Variants in TMEM164 observed in about 807,000 individuals in gnomAD.
TMEM164 encodes RP13-360B22.2.
TMEM164 carries 4 observed loss-of-function variants against 18.8 expected under a neutral mutation model. That is an observed-to-expected ratio of 0.21 (90% confidence interval 0.10 to 0.49). TMEM164 has a LOEUF of 0.49. TMEM164 is among the 20% of genes least tolerant of loss of function. The pLI, the probability that TMEM164 is intolerant of heterozygous loss-of-function variation, is 0.98. For missense variants in TMEM164, 108 were observed against 239.9 expected (o/e 0.45, Z 3.63); for synonymous variants, 86 against 101.7 (o/e 0.85, Z 0.93).
chrX:110,020,276 C>G (rs1381556681), intron 2 of TMEM164: 1 of 592,084 alleles, frequency 1.7e-6, no homozygotes, highest in African/African-American at 2.5e-5. Flanking sequence ...AGTCCAATCC[C>G]TTTGTTTTCC....
Position 110,118,630 on chromosome X carries a change from A to C in TMEM164, c.507+9484A>C, listed in dbSNP as rs752923076. 4.1e-3 allele frequency among the ~76,000 whole-genome samples: 459 copies of C among 111,521 alleles called. 6 individuals are homozygous for C. The highest frequency in any genetic ancestry group is 0.014 in the African/African-American group (435 of 30,696). On this transcript the variant is annotated intron_variant, in intron 4 of 6. Transcript: ENST00000372068. Reference sequence around the variant, plus strand: ...GGATTATCGCTGGACACCAAATTCCAAATGTTCAAGTACACATCATTTCAG... The same window carrying C: ...GGATTATCGCTGGACACCAAATTCCCAATGTTCAAGTACACATCATTTCAG...
chrX:110,022,074 T>C (rs1933906292), intron 2 of TMEM164, among the ~76,000 whole-genome samples: 2 of 111,758 alleles, frequency 1.8e-5, no homozygotes, highest in African/African-American at 6.5e-5. Context: ...TGATTACACT[T>C]GGGGCCTGGA....
intron 3 of TMEM164, among the ~76,000 whole-genome samples, chrX:110,102,911 C>T (rs1163393978): frequency 1.8e-5 from 2 of 112,251 alleles, no homozygotes. Context: ...AGGGCAGATA[C>T]TGTGTCCTAC....
At chrX:110,090,959 T>G (rs1235506623) in intron 3 of TMEM164, among the ~76,000 whole-genome samples, 1 of 109,774 alleles carries the variant, frequency 9.1e-6, no homozygotes, top group Non-Finnish European at 1.9e-5. Flanking sequence ...CATGCAGTAT[T>G]TGGTTTTCTG....
rs751571344 is a variant in TMEM164 at position 110,170,056 on chromosome X, G to A, written c.587-1364G>A. Among the ~76,000 whole-genome samples the A allele has an allele frequency of 4.2e-3, 465 of 111,905 alleles. 5 individuals carry two copies. The highest frequency in any genetic ancestry group is 0.015 in the African/African-American group (447 of 30,795). ...CAGACCAGCCCTGCGAACCTCTGAGGCTAGTACCTGCTAACTGCCCCGTTA... is the reference window on the plus strand; with the variant it reads ...CAGACCAGCCCTGCGAACCTCTGAGACTAGTACCTGCTAACTGCCCCGTTA... On this transcript the variant is annotated intron_variant, in intron 5 of 6. Transcript: ENST00000372068.
intron 2 of TMEM164, among the ~76,000 whole-genome samples, chrX:110,037,187 G>A (rs1392124196): frequency 9.0e-6 from 1 of 111,226 alleles, no homozygotes; most frequent in Admixed American, 9.5e-5. Flanking sequence ...GGTGTATGTT[G>A]TGAGAAAAGG....
chrX:110,144,711 C>G, intron 4 of TMEM164, 87 bp from the exon 5 acceptor site: 1 of 694,038 alleles, frequency 1.4e-6, no homozygotes. Context: ...AAATATGGGT[C>G]CTGAACAGCA....
At chrX:110,098,474 A>T in intron 3 of TMEM164, among the ~76,000 whole-genome samples, 1 of 111,133 alleles carries the variant, frequency 9.0e-6, no homozygotes, top group East Asian at 2.8e-4. Flanking sequence ...TAACTTATGA[A>T]AGTTTTTTCT....
At chrX:110,089,256 G>T (rs1278650098) in intron 3 of TMEM164, among the ~76,000 whole-genome samples, 2 of 112,074 alleles carry the variant, frequency 1.8e-5, no homozygotes, top group African/African-American at 6.5e-5. Context: ...TTTTCTGTAG[G>T]TATAGATTTC....
intron 3 of TMEM164, among the ~76,000 whole-genome samples, chrX:110,074,611 A>C (rs960884423): frequency 8.9e-6 from 1 of 111,845 alleles, no homozygotes; most frequent in African/African-American, 3.3e-5. Context: ...TAAATGTTTA[A>C]GTCATCTTGA....
At chrX:110,053,837 GA>G (rs1358789879) in intron 2 of TMEM164, among the ~76,000 whole-genome samples, 1 of 111,981 alleles carries the variant, frequency 8.9e-6, no homozygotes, top group Non-Finnish European at 1.9e-5. Context: ...GTGGCTCCCT[GA>G]AAGGTCAAGC....
At chrX:110,153,621 G>A (rs1023006382) in intron 5 of TMEM164, among the ~76,000 whole-genome samples, 1 of 112,178 alleles carries the variant, frequency 8.9e-6, no homozygotes, top group Non-Finnish European at 1.9e-5. Context: ...ATCCAAGGAT[G>A]CTCAAGTCCC....
chrX:110,084,379 T>TATATATATATAGTATAGTACATATATATA (rs1228632082), intron 3 of TMEM164, among the ~76,000 whole-genome samples: 1 of 35,649 alleles, frequency 2.8e-5, no homozygotes, highest in Non-Finnish European at 4.0e-5. Flanking sequence ...ATATATATAG[T>TATATATATATAGTATAGTACATATATATA]GTATATATAT....
At chrX:110,017,508 C>T (rs376230107) in intron 2 of TMEM164, among the ~76,000 whole-genome samples, 1 of 7,368 alleles carries the variant, frequency 1.4e-4, no homozygotes, top group African/African-American at 4.7e-4. Context: ...CCCTCCCTCC[C>T]TCCCTCCTTC....
chrX:110,014,896 G>T (rs937035969), intron 2 of TMEM164, among the ~76,000 whole-genome samples: 1 of 109,708 alleles, frequency 9.1e-6, no homozygotes, highest in Non-Finnish European at 1.9e-5. Flanking sequence ...GCAGGTTCAA[G>T]TGAACAAGTA....
chrX:110,109,189 A>G, intron 4 of TMEM164, 43 bp downstream of exon 4: 1 of 1,124,798 alleles, frequency 8.9e-7, no homozygotes, highest in South Asian at 1.8e-5. Context: ...CATGCAAAGC[A>G]GTACTTGCCT....
At chrX:110,006,070 C>T (rs920899920) in intron 2 of TMEM164, among the ~76,000 whole-genome samples, 3 of 111,749 alleles carry the variant, frequency 2.7e-5, no homozygotes, top group African/African-American at 9.8e-5. Flanking sequence ...AGAAAGTACT[C>T]TTCCTGGGCC....
intron 3 of TMEM164, among the ~76,000 whole-genome samples, chrX:110,083,910 A>G (rs2065794753): frequency 9.0e-6 from 1 of 111,489 alleles, no homozygotes. Flanking sequence ...TTTTGAAATT[A>G]ATCACACCAG....
chrX:110,108,068 C>CTGTGTGTGTGTGTGTGTGTGTGTG (rs56714507), intron 3 of TMEM164, among the ~76,000 whole-genome samples: 5 of 46,373 alleles, frequency 1.1e-4, no homozygotes, highest in East Asian at 8.1e-4. Flanking sequence ...AGGAGGTATG[C>CTGTGTGTGTGTGTGTGTGTGTGTG]TGTGTGTGTG....
Sources: allele counts gnomAD v4.1 joint callset (sites outside exome capture counted in the v4.1 genomes callset), GRCh38; gene constraint gnomAD v4.1.1; transcripts MANE v1.5; gene names NCBI Gene and HGNC (gene_info 2026-07-23, HGNC 2026-07-21).